EYS: variants seen among roughly 807,000 people sequenced by gnomAD.
EYS encodes EGF-like photoreceptor maintenance factor.
Under a neutral mutation model 282.1 loss-of-function variants are expected in EYS, and 250 were observed. The ratio of observed to expected loss-of-function variants is 0.89; its 90% CI spans 0.80 to 0.98. The LOEUF (loss-of-function observed/expected upper bound fraction) is 0.98. EYS is among the 50% of genes least tolerant of loss of function. The pLI is 0.00. For synonymous variants in EYS, 1,355 were observed against 1,282.9 expected (o/e 1.06, Z -1.20); for missense variants, 4,016 against 3,709.0 (o/e 1.08, Z -2.15).
At chr6:64,343,933 C>T (rs570724840) in intron 29 of EYS, among the ~76,000 whole-genome samples, 17 of 152,094 alleles carry the variant, frequency 1.1e-4, no homozygotes, top group South Asian at 8.3e-4. Flanking sequence ...AACACCTCTA[C>T]TCAAATAAAC....
chr6:64,490,265 T>C (rs1776698381), intron 26 of EYS, among the ~76,000 whole-genome samples: 1 of 150,892 alleles, frequency 6.6e-6, no homozygotes. Context: ...AGTTAATAAA[T>C]ATTGAGCATC....
chr6:64,249,253 G>A (rs1053271442), intron 30 of EYS, among the ~76,000 whole-genome samples: 5 of 152,004 alleles, frequency 3.3e-5, no homozygotes, highest in Admixed American at 1.3e-4. Context: ...ACTGGAAGCC[G>A]TTATCTTATT....
Position 64,344,565 on chromosome 6 carries a change from A to G in EYS, c.6079-37483T>C, listed in dbSNP as rs749838419. Among the ~76,000 whole-genome samples, 27 of 152,312 alleles carry G rather than the reference A, an allele frequency of 1.8e-4. 1 individual carries two copies. The Middle Eastern group carries it at 0.014, about 77-fold the overall frequency. ...GATGTATCTCAAAATAATAAGAGCT[A>G]TCTATGACAAACCCACAGCCAATAT... On this transcript the variant is annotated intron_variant, in intron 29 of 42. Transcript: ENST00000503581.
intron 22 of EYS, among the ~76,000 whole-genome samples, chr6:64,757,492 G>A (rs1289415115): frequency 3.9e-5 from 6 of 151,968 alleles, no homozygotes; most frequent in Middle Eastern, 3.2e-3. Context: ...TGTTTTGACT[G>A]TGTGAGTGAA....
chr6:65,575,370 A>G (rs1323627388), intron 2 of EYS, among the ~76,000 whole-genome samples: 2 of 122,366 alleles, frequency 1.6e-5, no homozygotes, highest in Non-Finnish European at 3.5e-5. Context: ...ATTAAAAGAA[A>G]AAAGTTTAAA....
intron 36 of EYS, among the ~76,000 whole-genome samples, chr6:63,833,796 A>G (rs1430058172): frequency 1.3e-5 from 2 of 152,000 alleles, no homozygotes; most frequent in African/African-American, 4.8e-5. Context: ...ATCACGCTAC[A>G]GGACTTCAAA....
chr6:63,781,045 G>T (rs967845139), intron 39 of EYS, among the ~76,000 whole-genome samples: 2 of 152,184 alleles, frequency 1.3e-5, no homozygotes, highest in African/African-American at 4.8e-5. Context: ...ATTTGTCAAA[G>T]ATCAGATGGT....
chr6:65,527,146 C>T (rs1767598552), intron 2 of EYS, among the ~76,000 whole-genome samples: 1 of 152,094 alleles, frequency 6.6e-6, no homozygotes, highest in Admixed American at 6.6e-5. Context: ...TCCTTAGGTA[C>T]ATAAAGGTTA....
intron 31 of EYS, among the ~76,000 whole-genome samples, chr6:64,133,476 TCACACACACACA>T (rs61088369): frequency 0.018 from 2,576 of 142,454 alleles, 68 homozygotes; most frequent in African/African-American, 0.06. Context: ...TTGCATTACT[TCACACACACACA>T]CACACACACA....
chr6:64,475,516 A>AC lies in EYS; in HGVS notation c.5645-36165dup, dbSNP rs979855233. Among the ~76,000 whole-genome samples, 2 of 64,292 alleles carry AC rather than the reference A, an allele frequency of 3.1e-5. 1 individual carries two copies. Among genetic ancestry groups the AC allele is most frequent in the Non-Finnish European group, 6.9e-5 (2 of 28,860 alleles). The allele number at this position is 64,292 out of a possible 152,430, so 42.2% of individuals were successfully genotyped here. A position where few individuals can be genotyped will look rare whatever the true frequency, so the allele number is the denominator to read the frequency against. Reference sequence around the variant, plus strand: ...CAGTGAGCCGAGATCCCGCCACTGCACTCCAGCCTGGGCGACAGAGCGAGA... The same window carrying AC: ...CAGTGAGCCGAGATCCCGCCACTGCACCTCCAGCCTGGGCGACAGAGCGAGA... On this transcript the variant is annotated intron_variant, in intron 26 of 42. Transcript: ENST00000503581.
intron 5 of EYS, among the ~76,000 whole-genome samples, chr6:65,481,922 G>T (rs1304458945): frequency 1.3e-5 from 2 of 151,998 alleles, no homozygotes; most frequent in Admixed American, 6.6e-5. Flanking sequence ...ATAATGTTTT[G>T]CCAATAAATC....
At position 65,288,704 on chromosome 6, in the gene EYS, T is replaced by C. The variant is rs1768438728; in HGVS notation, c.2023+7159A>G. 2.0e-5 allele frequency among the ~76,000 whole-genome samples: 3 copies of C among 151,216 alleles called. No individual in the cohort carries two copies. The South Asian group carries it at 6.2e-4, about 31-fold the overall frequency. ...ATAAGGGCAATAAAATAGTACAATG[T>C]GAGTAAATCTAATATTGGATGTATA... On this transcript the variant is annotated intron_variant, in intron 12 of 42. Transcript: ENST00000503581.
chr6:65,610,978 C>A (rs529225194), intron 2 of EYS, among the ~76,000 whole-genome samples: 1 of 151,878 alleles, frequency 6.6e-6, no homozygotes, highest in South Asian at 2.1e-4. Flanking sequence ...TCATTTTATA[C>A]GATTACAATT....
At chr6:63,908,611 C>T (rs964534208) in intron 35 of EYS, among the ~76,000 whole-genome samples, 13 of 151,782 alleles carry the variant, frequency 8.6e-5, no homozygotes, top group East Asian at 3.9e-4. Flanking sequence ...CCACCACGCT[C>T]GGCTAATTTT....
rs1372294578 is a variant in EYS, at chr6:63,877,933, G to T, written c.7056-13575C>A. On this transcript the variant is annotated intron_variant, in intron 35 of 42. Coordinates refer to ENST00000503581, the MANE Select transcript of EYS (RefSeq NM_001142800.2). Reference sequence around the variant, plus strand: ...TTCGAACATCCTCCTTTAGCTCAGAGAAGTTTGTTATTACCGATCATCTGA... The same window carrying T: ...TTCGAACATCCTCCTTTAGCTCAGATAAGTTTGTTATTACCGATCATCTGA... 3.3e-5 allele frequency among the ~76,000 whole-genome samples: 5 copies of T among 152,320 alleles called. No individual in the cohort carries two copies. In the East Asian group the frequency reaches 9.7e-4, roughly 29 times the overall value.
intron 36 of EYS, among the ~76,000 whole-genome samples, chr6:63,839,943 G>A (rs1447772119): frequency 1.3e-5 from 2 of 151,560 alleles, no homozygotes; most frequent in Admixed American, 6.6e-5. Context: ...GTTTTGGTTT[G>A]CATTTCCTTG....
At chr6:65,567,680 C>G (rs948897372) in intron 2 of EYS, among the ~76,000 whole-genome samples, 1 of 151,972 alleles carries the variant, frequency 6.6e-6, no homozygotes, top group African/African-American at 2.4e-5. Context: ...ATATGTTAAC[C>G]TCTAGTTTTC....
intron 31 of EYS, among the ~76,000 whole-genome samples, chr6:64,133,576 C>T (rs186377008): frequency 5.9e-5 from 9 of 151,314 alleles, no homozygotes; most frequent in African/African-American, 9.7e-5. Context: ...ATACAGAGAT[C>T]GATTTATATT....
Position 64,388,743 on chromosome 6 carries a change from T to A in EYS, c.6025A>T (p.Lys2009Ter). 1 of 1,544,878 alleles carries A rather than the reference T, an allele frequency of 6.5e-7. No homozygotes were observed. ...INHVLGKPLP[K>*]SGSVFIGGFP... ...CCACCAATGAAGACAGATCCTGATT[T>A]TGGCAGGGGTTTTCCGAGTACATGA... The change falls in exon 29 of 43, where the codon AAA becomes TAA. Residue 2009 changes from lysine to a stop codon, truncating the protein, a stop_gained. Coordinates refer to ENST00000503581, the MANE Select transcript of EYS (RefSeq NM_001142800.2). LOFTEE classifies it high-confidence loss of function.
Sources: gnomAD v4.1 joint callset for allele counts (sites outside exome capture counted in the v4.1 genomes callset) on GRCh38, gnomAD v4.1.1 for gene constraint, MANE v1.5 for transcripts, NCBI Gene and HGNC (gene_info 2026-07-23, HGNC 2026-07-21) for gene names.